Variants in GALNT13 observed in about 807,000 individuals in gnomAD.
GALNT13 encodes UDP-GalNAc:polypeptide N-acetylgalactosaminyltransferase 13.
Under a neutral mutation model 64.2 loss-of-function variants are expected in GALNT13, and 28 were observed. The observed-to-expected ratio is 0.44, with a 90% CI of 0.32 to 0.60. The LOEUF is 0.60. GALNT13 is among the 20% of genes least tolerant of loss of function. The pLI, the probability that GALNT13 is intolerant of heterozygous loss-of-function variation, is 0.05. For missense variants in GALNT13, 577 were observed against 669.8 expected, an observed-to-expected ratio of 0.86 and a Z score of 1.53; for synonymous variants, 214 against 224.6, an observed-to-expected ratio of 0.95 and a Z score of 0.42.
At chr2:153,608,917 CTTT>C in the GALNT13 span, among the ~76,000 whole-genome samples, 2 of 130,634 alleles carry the variant, frequency 1.5e-5, no homozygotes, top group Admixed American at 7.9e-5. Flanking sequence ...TTTTTTACTT[CTTT>C]TTTTTTTTTT....
In GALNT13 at chr2:154,022,381, T is replaced by G. The variant is rs552832186; in HGVS notation, c.142+77742T>G. On this transcript the variant is annotated intron_variant, in intron 3 of 12. Coordinates refer to ENST00000392825, the MANE Select transcript of GALNT13 (RefSeq NM_052917.4). ...TATTGATTATTGCCACAATTTCAGATCCTGTTATTGGTCTATTCAGAGATT... is the reference window on the plus strand; with the variant it reads ...TATTGATTATTGCCACAATTTCAGAGCCTGTTATTGGTCTATTCAGAGATT... Among the ~76,000 whole-genome samples the G allele has an allele frequency of 1.9e-4, 29 of 152,290 alleles. 1 individual carries two copies. The highest frequency in any genetic ancestry group is 8.3e-4 in the South Asian group (4 of 4,826).
chr2:153,795,427 G>A, the GALNT13 span, among the ~76,000 whole-genome samples: 25 of 152,162 alleles, frequency 1.6e-4, no homozygotes, highest in African/African-American at 5.5e-4. Context: ...ACCGGACCTT[G>A]GAACTGACAC....
At chr2:154,341,555 A>G (rs1449975524) in intron 9 of GALNT13, among the ~76,000 whole-genome samples, 1 of 152,118 alleles carries the variant, frequency 6.6e-6, no homozygotes, top group Non-Finnish European at 1.5e-5. Context: ...AAAAATATCA[A>G]GGAGACCCAT....
chr2:153,475,867 CT>C, the GALNT13 span, among the ~76,000 whole-genome samples: 1 of 152,200 alleles, frequency 6.6e-6, no homozygotes, highest in African/African-American at 2.4e-5. Flanking sequence ...ATCCATTGCT[CT>C]GCTTTGTGTC....
At chr2:154,403,270 T>C (rs1304550392) in intron 10 of GALNT13, among the ~76,000 whole-genome samples, 1 of 151,016 alleles carries the variant, frequency 6.6e-6, no homozygotes, top group African/African-American at 2.4e-5. Flanking sequence ...CTGGCCAGCA[T>C]GGTAAAACCG....
the GALNT13 span, among the ~76,000 whole-genome samples, chr2:153,406,873 A>C: frequency 6.6e-6 from 1 of 152,184 alleles, no homozygotes; most frequent in African/African-American, 2.4e-5. Context: ...TAAATCTCTT[A>C]AACATTCTAA....
chr2:153,187,535 T>G, the GALNT13 span: 1 of 152,384 alleles, frequency 6.6e-6, no homozygotes, highest in South Asian at 2.1e-4. Context: ...TTCACCAAGG[T>G]GTTCTTTTCT....
At chr2:153,939,262 G>A (rs886488963) in intron 2 of GALNT13, among the ~76,000 whole-genome samples, 4 of 152,122 alleles carry the variant, frequency 2.6e-5, no homozygotes, top group Non-Finnish European at 5.9e-5. Context: ...TGACTGGGCA[G>A]AGAAAGCACA....
chr2:153,671,679 A>G, the GALNT13 span, among the ~76,000 whole-genome samples: 1 of 152,222 alleles, frequency 6.6e-6, no homozygotes, highest in African/African-American at 2.4e-5. Flanking sequence ...TCATAATGAC[A>G]GGATCAAATT....
intron 12 of GALNT13, among the ~76,000 whole-genome samples, chr2:154,440,321 G>A (rs1025884132): frequency 1.3e-5 from 2 of 152,044 alleles, no homozygotes; most frequent in African/African-American, 4.8e-5. Flanking sequence ...TAACTCTTGA[G>A]TGAACAATGT....
intron 4 of GALNT13, among the ~76,000 whole-genome samples, chr2:154,145,048 T>TTC (rs3075862): frequency 0.066 from 6,976 of 105,552 alleles, 530 homozygotes; most frequent in East Asian, 0.44. Flanking sequence ...ATTTATGTAG[T>TTC]TCTCTCTCTC....
At chr2:153,496,993 C>CAAAA in the GALNT13 span, among the ~76,000 whole-genome samples, 4 of 90,874 alleles carry the variant, frequency 4.4e-5, no homozygotes, top group Admixed American at 1.2e-4. Context: ...GATTTTGTCT[C>CAAAA]AAAAAAAAAA....
At chr2:154,169,750 C>A (rs552380143) in intron 4 of GALNT13, among the ~76,000 whole-genome samples, 107 of 152,274 alleles carry the variant, frequency 7.0e-4, no homozygotes, top group African/African-American at 2.5e-3. Context: ...TAATAAGTTA[C>A]TTAATGGTGG....
At chr2:153,615,843 T>G in the GALNT13 span, among the ~76,000 whole-genome samples, 5 of 152,106 alleles carry the variant, frequency 3.3e-5, no homozygotes, top group African/African-American at 7.2e-5. Flanking sequence ...ATTAATCCCT[T>G]GTCAGGTGAC....
At chr2:153,435,203 C>G in the GALNT13 span, among the ~76,000 whole-genome samples, 1 of 152,068 alleles carries the variant, frequency 6.6e-6, no homozygotes, top group Non-Finnish European at 1.5e-5. Flanking sequence ...GCTTTGGTAC[C>G]AGTACCATGC....
At chr2:153,690,026 C>G in the GALNT13 span, among the ~76,000 whole-genome samples, 1 of 151,940 alleles carries the variant, frequency 6.6e-6, no homozygotes, top group South Asian at 2.1e-4. Flanking sequence ...GATTGACCTG[C>G]CTTGCAGTTT....
the GALNT13 span, among the ~76,000 whole-genome samples, chr2:153,514,092 T>G: frequency 6.6e-6 from 1 of 152,210 alleles, no homozygotes; most frequent in African/African-American, 2.4e-5. Context: ...TTCATTTTTA[T>G]TATTCAAATT....
chr2:153,898,942 A>G (rs1242887328), intron 1 of GALNT13, among the ~76,000 whole-genome samples: 2 of 151,922 alleles, frequency 1.3e-5, no homozygotes, highest in Non-Finnish European at 2.9e-5. Flanking sequence ...TAAAATTGTC[A>G]GAGTAAAAGA....
chr2:153,332,813 C>T, the GALNT13 span, among the ~76,000 whole-genome samples: 105,528 of 152,066 alleles, frequency 0.69, 37,714 homozygotes, highest in Non-Finnish European at 0.75. Flanking sequence ...TGTCTGGAGA[C>T]CTGCTTTAGG....
Sources: gnomAD v4.1 joint callset for allele counts (sites outside exome capture counted in the v4.1 genomes callset) on GRCh38, gnomAD v4.1.1 for gene constraint, MANE v1.5 for transcripts, NCBI Gene and HGNC (gene_info 2026-07-23, HGNC 2026-07-21) for gene names.